The following ZBTB8A variants were observed in gnomAD, a reference collection of about 807,000 sequenced individuals.
ZBTB8A encodes the protein zinc finger and BTB domain-containing protein 8A.
In ZBTB8A, 19 loss-of-function variants were observed where a neutral mutation model predicts 37.8. The ratio of observed to expected loss-of-function variants is 0.50; its 90% CI spans 0.35 to 0.74. The LOEUF (loss-of-function observed/expected upper bound fraction) is 0.74. ZBTB8A is among the 30% of genes least tolerant of loss of function. The pLI is 0.01. For synonymous variants in ZBTB8A, 181 were observed against 185.2 expected, an observed-to-expected ratio of 0.98 and a Z score of 0.19; for missense variants, 394 against 537.8, an observed-to-expected ratio of 0.73 and a Z score of 2.65.
chr1:32,591,220 T>C (rs1397018862), intron 2 of ZBTB8A, among the ~76,000 whole-genome samples: 1 of 150,838 alleles, frequency 6.6e-6, no homozygotes, highest in African/African-American at 2.5e-5. Flanking sequence ...AATTTAACTT[T>C]TTTAGAGACA....
intron 2 of ZBTB8A, among the ~76,000 whole-genome samples, chr1:32,588,129 G>A (rs1399798886): frequency 1.3e-5 from 2 of 152,114 alleles, no homozygotes; most frequent in South Asian, 2.1e-4. Context: ...AAACTTAAGT[G>A]TTTTCCTAAG....
In ZBTB8A at chr1:32,600,304, A is replaced by T; in HGVS notation, c.1211A>T (p.Asp404Val). The T allele has an allele frequency of 6.2e-7, 1 of 1,614,174 alleles. No individual in the cohort carries two copies. The highest frequency in any genetic ancestry group is 8.5e-7 in the Non-Finnish European group (1 of 1,180,022). Residue 404 changes from aspartate (D) to valine (V), a missense_variant, in exon 5 of 5, where the codon GAT (aspartate) becomes GTT (valine). Physicochemically the swap from Asp to Val is radical, Grantham distance 152. Around this residue, in one of 4 missense-constraint regions of ZBTB8A, gnomAD observed 85 missense variants for 89.0 expected, o/e 0.95. Coordinates refer to ENST00000373510, the MANE Select transcript of ZBTB8A (RefSeq NM_001040441.3). The stretch of plus-strand genomic sequence containing the variant: ...GATTCCAGATGGCACTTGAGTGAAG[A>T]TGAGAATAGATCCTATGTGGAGATT... ...DKDSRWHLSE[D>V]ENRSYVEIVE... is the part of the protein sequence containing the mutation.
chr1:32,543,186 CAA>C (rs1462520478), intron 1 of ZBTB8A, among the ~76,000 whole-genome samples: 1 of 152,008 alleles, frequency 6.6e-6, no homozygotes, highest in Non-Finnish European at 1.5e-5. Flanking sequence ...CAGGGTCAAG[CAA>C]TTCTCCTACC....
intron 2 of ZBTB8A, among the ~76,000 whole-genome samples, chr1:32,558,079 TATATA>T (rs1460873024): frequency 3.3e-5 from 5 of 152,142 alleles, no homozygotes; most frequent in South Asian, 2.1e-4. Context: ...CACATACACA[TATATA>T]ACATATATAG....
At chr1:32,544,283 T>C (rs774394921) in intron 1 of ZBTB8A, among the ~76,000 whole-genome samples, 4 of 152,262 alleles carry the variant, frequency 2.6e-5, no homozygotes, top group East Asian at 3.8e-4. Context: ...CTGGCTGATA[T>C]AGCCTACTAC....
Position 32,602,339 on chromosome 1 carries a change from A to G in ZBTB8A, c.*1920A>G, listed in dbSNP as rs1644582728. 6.6e-6 allele frequency: 1 copy of G among 152,408 alleles called. No homozygotes were observed. The highest frequency in any genetic ancestry group is 1.9e-4 in the East Asian group (1 of 5,184). 9.4% of individuals were successfully genotyped at this position (152,408 alleles called of 1,614,324 possible). On this transcript the variant is annotated 3_prime_UTR_variant, in exon 5 of 5. Transcript: ENST00000373510. ...GCGAAACTCCGTCTCAAAAAAAAAA[A>G]AAAAAAAAACTTCTCCCCTGCATAA... is the stretch of plus-strand genomic sequence containing the variant.
At chr1:32,550,618 T>G (rs1644144492) in intron 1 of ZBTB8A, among the ~76,000 whole-genome samples, 1 of 149,342 alleles carries the variant, frequency 6.7e-6, no homozygotes. Context: ...TGAGACCCTG[T>G]AGCAAAAACA....
chr1:32,567,703 A>C (rs1275716178), intron 2 of ZBTB8A, among the ~76,000 whole-genome samples: 2 of 143,686 alleles, frequency 1.4e-5, no homozygotes, highest in Non-Finnish European at 3.0e-5. Flanking sequence ...GAGGCAGGAG[A>C]ATGGCGTGAA....
chr1:32,565,018 T>TAA (rs1313228153), intron 2 of ZBTB8A, among the ~76,000 whole-genome samples: 3 of 152,182 alleles, frequency 2.0e-5, no homozygotes, highest in South Asian at 4.1e-4. Flanking sequence ...AAATTTTTCT[T>TAA]ACCAAAACCC....
At position 32,575,268 on chromosome 1, in the gene ZBTB8A, C is replaced by T. The variant is rs571922683; in HGVS notation, c.-1-17663C>T. ...TTTTGAGACAGTTTCGCTCTTTCCC[C>T]GAGGCTGGAGTGCAGTGGCACAATG... On this transcript the variant is annotated intron_variant, in intron 2 of 4. Coordinates refer to ENST00000373510, the MANE Select transcript of ZBTB8A (RefSeq NM_001040441.3). Among the ~76,000 whole-genome samples the T allele has an allele frequency of 8.7e-4, 126 of 145,508 alleles. 1 individual carries two copies. The highest frequency in any genetic ancestry group is 3.0e-3 in the African/African-American group (118 of 39,202).
intron 2 of ZBTB8A, among the ~76,000 whole-genome samples, chr1:32,591,686 G>A (rs1347547828): frequency 6.6e-6 from 1 of 152,116 alleles, no homozygotes; most frequent in Non-Finnish European, 1.5e-5. Context: ...GCTGAGGCCA[G>A]AGGATCGCTT....
chr1:32,563,817 C>T (rs1644261142), intron 2 of ZBTB8A, among the ~76,000 whole-genome samples: 10 of 152,058 alleles, frequency 6.6e-5, no homozygotes, highest in Admixed American at 6.6e-4. Context: ...CTCTTCTTCC[C>T]CAGTCACCTT....
At chr1:32,583,765 A>C (rs1162017792) in intron 2 of ZBTB8A, among the ~76,000 whole-genome samples, 2 of 152,002 alleles carry the variant, frequency 1.3e-5, no homozygotes, top group African/African-American at 4.8e-5. Flanking sequence ...TGTTTTTGAA[A>C]TGGAGTCTCA....
intron 2 of ZBTB8A, among the ~76,000 whole-genome samples, chr1:32,585,119 C>T (rs1200618691): frequency 6.7e-6 from 1 of 150,278 alleles, no homozygotes; most frequent in East Asian, 2.0e-4. Flanking sequence ...CAGCCTCAAC[C>T]TCCTGGGCTC....
intron 2 of ZBTB8A, among the ~76,000 whole-genome samples, chr1:32,558,438 A>AAC (rs35047367): frequency 0.11 from 15,883 of 145,616 alleles, 930 homozygotes; most frequent in African/African-American, 0.18. Flanking sequence ...CTAAGTATTA[A>AAC]ACACACACAC....
rs559305566 is a variant in ZBTB8A, at chr1:32,557,275, C to T, written c.-2+3735C>T. ...CAAGGTCATGCCATTGCACTCCAGC[C>T]TGGGCAACAGAGCCAGACTCCCATC... On this transcript the variant is annotated intron_variant, in intron 2 of 4. Transcript: ENST00000373510. Among the ~76,000 whole-genome samples the T allele has an allele frequency of 5.3e-5, 8 of 152,254 alleles. No individual in the cohort carries two copies. In the South Asian group the frequency reaches 1.7e-3, roughly 32 times the overall value.
Position 32,592,951 on chromosome 1 carries a change from A to G in ZBTB8A, c.20A>G (p.Gln7Arg). 1.2e-6 allele frequency: 2 copies of G among 1,610,042 alleles called. No individual in the cohort carries two copies. The highest frequency in any genetic ancestry group is 1.1e-5 in the South Asian group (1 of 90,546). Residue 7 changes from glutamine to arginine, a missense_variant, in exon 3 of 5, where the codon CAG becomes CGG. Coordinates refer to ENST00000373510, the MANE Select transcript of ZBTB8A (RefSeq NM_001040441.3). ...TTCAGAATGGAGATCTCCTCTCATC[A>G]GTCTCACCTCCTGCAGCAACTGAAC... MEISSH[Q>R]SHLLQQLNEQ...
intron 2 of ZBTB8A, among the ~76,000 whole-genome samples, chr1:32,591,433 G>A (rs1215701567): frequency 6.6e-6 from 1 of 151,752 alleles, no homozygotes; most frequent in African/African-American, 2.4e-5. Context: ...TGAACAGGCT[G>A]GTCTCACACT....
chr1:32,574,972 T>C (rs1387588634), intron 2 of ZBTB8A, among the ~76,000 whole-genome samples: 1 of 151,924 alleles, frequency 6.6e-6, no homozygotes, highest in Admixed American at 6.6e-5. Flanking sequence ...TGGGTGTCTC[T>C]CTGTGTTGCC....
Sources: allele counts gnomAD v4.1 joint callset (sites outside exome capture counted in the v4.1 genomes callset), GRCh38; gene constraint gnomAD v4.1.1; regional missense constraint gnomAD v4.1.1; transcripts MANE v1.5; gene names NCBI Gene and HGNC (gene_info 2026-07-23, HGNC 2026-07-21).